Variants in PAMR1 observed in about 807,000 individuals in gnomAD.
PAMR1 encodes the protein peptidase domain containing associated with muscle regeneration 1, also known as inactive serine protease PAMR1.
Under a neutral mutation model 81.8 loss-of-function variants are expected in PAMR1, and 88 were observed. That is an observed-to-expected ratio of 1.08 (90% CI 0.91 to 1.28). The LOEUF (loss-of-function observed/expected upper bound fraction) is 1.28. Among genes scored for constraint, PAMR1 ranks in the 50% most tolerant of loss-of-function variants. The pLI is 0.00. For synonymous variants in PAMR1, 336 were observed against 345.3 expected (o/e 0.97, Z 0.30); for missense variants, 935 against 919.7 (o/e 1.02, Z -0.21).
Position 35,470,643 on chromosome 11 carries a change from T to C in PAMR1, c.670A>G (p.Lys224Glu). The change falls in exon 5 of 11, where the codon AAG (lysine) becomes GAG (glutamate). Residue 224 changes from lysine (K) to glutamate (E), a missense_variant. By Grantham distance (56) the Lys-to-Glu change is moderately conservative (BLOSUM62 1). Transcript: ENST00000619888. ...LHVLFHSDGS[K>E]NFDGFHAIYE... is the part of the protein sequence containing the mutation. ...ATGGCATGGAAACCGTCAAAATTCT[T>C]GGAGCCATCGGAGTGGAAGAGGACG... The C allele has an allele frequency of 6.2e-7, 1 of 1,614,196 alleles. No homozygotes were observed. Among genetic ancestry groups the C allele is most frequent in the South Asian group, 1.1e-5 (1 of 91,082 alleles).
chr11:35,482,311 G>C (rs1850411681), intron 3 of PAMR1, among the ~76,000 whole-genome samples: 1 of 152,144 alleles, frequency 6.6e-6, no homozygotes, highest in Admixed American at 6.5e-5. Flanking sequence ...CTCATTGCTT[G>C]TTTTTGTCAG....
chr11:35,471,932 A>T (rs992474706), intron 4 of PAMR1, among the ~76,000 whole-genome samples: 1 of 152,256 alleles, frequency 6.6e-6, no homozygotes, highest in Non-Finnish European at 1.5e-5. Context: ...GGGAGTAGGG[A>T]TATTTCTGCC....
At chr11:35,480,548 A>G (rs778864996) in intron 3 of PAMR1, among the ~76,000 whole-genome samples, 5 of 152,046 alleles carry the variant, frequency 3.3e-5, no homozygotes, top group African/African-American at 7.2e-5. Flanking sequence ...ATCCCCTCCA[A>G]TGAATTTTTG....
Position 35,494,086 on chromosome 11 carries a change from C to T in PAMR1, c.250+10G>A, listed in dbSNP as rs1486896429. 6.2e-7 allele frequency: 1 copy of T among 1,611,932 alleles called. No individual in the cohort carries two copies. The highest frequency in any genetic ancestry group is 1.3e-5 in the African/African-American group (1 of 74,912). ...TGAAGGCAACCTGAAGTCTCCCATT[C>T]CACACTCACCTGGGTGGATCAGGCA... On this transcript the variant is annotated intron_variant, in intron 2 of 10. Transcript: ENST00000619888.
intron 1 of PAMR1, among the ~76,000 whole-genome samples, chr11:35,510,808 A>C (rs561680807): frequency 4.6e-5 from 7 of 152,324 alleles, no homozygotes; most frequent in Admixed American, 2.0e-4. Context: ...CTATGTGTGC[A>C]AGTGCTCCCC....
At chr11:35,447,545 G>C (rs1025554404) in intron 6 of PAMR1, among the ~76,000 whole-genome samples, 10 of 152,232 alleles carry the variant, frequency 6.6e-5, no homozygotes, top group Admixed American at 6.5e-4. Context: ...GTCTTTGCAT[G>C]TGAGATGGGT....
intron 3 of PAMR1, among the ~76,000 whole-genome samples, chr11:35,490,748 G>C (rs1850607908): frequency 6.6e-6 from 1 of 152,196 alleles, no homozygotes; most frequent in African/African-American, 2.4e-5. Flanking sequence ...TTTTACTATT[G>C]TCAGAGCACT....
chr11:35,439,988 T>C (rs952436256), intron 7 of PAMR1, among the ~76,000 whole-genome samples: 1 of 152,224 alleles, frequency 6.6e-6, no homozygotes, highest in Non-Finnish European at 1.5e-5. Context: ...CATCTGTTCA[T>C]GTGAATGTAA....
intron 1 of PAMR1, among the ~76,000 whole-genome samples, chr11:35,516,827 G>C (rs879214457): frequency 6.6e-6 from 1 of 152,258 alleles, no homozygotes; most frequent in African/African-American, 2.4e-5. Context: ...TTACATTATA[G>C]TCAAATGTTT....
At chr11:35,445,383 T>C (rs535023560) in intron 6 of PAMR1, among the ~76,000 whole-genome samples, 4 of 138,898 alleles carry the variant, frequency 2.9e-5, no homozygotes, top group Admixed American at 7.5e-5. Flanking sequence ...CTGTGTTGAA[T>C]AGGAGTGATG....
At chr11:35,495,045 C>G (rs1007435812) in intron 1 of PAMR1, among the ~76,000 whole-genome samples, 24 of 152,210 alleles carry the variant, frequency 1.6e-4, no homozygotes, top group African/African-American at 5.8e-4. Flanking sequence ...AACTGCATGA[C>G]TACATACTGC....
At chr11:35,511,376 T>C (rs1477075735) in intron 1 of PAMR1, among the ~76,000 whole-genome samples, 1 of 152,258 alleles carries the variant, frequency 6.6e-6, no homozygotes, top group Non-Finnish European at 1.5e-5. Flanking sequence ...CCATGATGGC[T>C]GTTAAGGTCA....
At position 35,454,141 on chromosome 11, in the gene PAMR1, C is replaced by T. The variant is rs564444811; in HGVS notation, c.821-12448G>A. Among the ~76,000 whole-genome samples, 3 of 152,254 alleles carry T rather than the reference C, an allele frequency of 2.0e-5. No homozygotes were observed. In the East Asian group the frequency reaches 5.8e-4, roughly 29 times the overall value. On this transcript the variant is annotated intron_variant, in intron 6 of 10. Transcript: ENST00000619888. ...GGCTTTGGAATGGCTCTACAATGAA[C>T]ACTTAAGTCTCCCAGATTCTTTTGC...
Position 35,513,718 on chromosome 11 carries a change from T to C in PAMR1, c.73+11795A>G, listed in dbSNP as rs112841856. Among the ~76,000 whole-genome samples, 514 of 152,286 alleles carry C rather than the reference T, an allele frequency of 3.4e-3. 4 individuals carry two copies. The highest frequency in any genetic ancestry group is 0.012 in the African/African-American group (489 of 41,562). On this transcript the variant is annotated intron_variant, in intron 1 of 10. Transcript: ENST00000619888. ...TGTGCATCAGAAGCCCATGTTCTCA[T>C]TTACAACACACTCCCCAGACCACCT... is the stretch of plus-strand genomic sequence containing the variant.
chr11:35,486,554 C>T (rs1345733719), intron 3 of PAMR1, among the ~76,000 whole-genome samples: 2 of 152,184 alleles, frequency 1.3e-5, no homozygotes, highest in Non-Finnish European at 2.9e-5. Context: ...AGACTGGTTG[C>T]TCTGAGCCAG....
At chr11:35,487,909 G>C (rs1850540293) in intron 3 of PAMR1, among the ~76,000 whole-genome samples, 1 of 152,192 alleles carries the variant, frequency 6.6e-6, no homozygotes, top group Non-Finnish European at 1.5e-5. Flanking sequence ...GATGAAACAA[G>C]ACATGGCACA....
intron 6 of PAMR1, chr11:35,453,242 A>G (rs1856456817): frequency 6.6e-6 from 1 of 152,182 alleles, no homozygotes; most frequent in African/African-American, 2.4e-5. Flanking sequence ...TCCCAAATAT[A>G]TCTTAAAGAA....
Position 35,492,087 on chromosome 11 carries a change from A to G in PAMR1, c.337T>C (p.Cys113Arg). 1 of 1,614,150 alleles carries G rather than the reference A, an allele frequency of 6.2e-7. No homozygotes were observed. Among genetic ancestry groups the G allele is most frequent in the Non-Finnish European group, 8.5e-7 (1 of 1,179,990 alleles). Reference sequence around the variant, plus strand: ...TACCAGCCTGCTCGGCACTCTGCACAGTAGAACCCCTTCACATAGAAGTCA... The same window carrying G: ...TACCAGCCTGCTCGGCACTCTGCACGGTAGAACCCCTTCACATAGAAGTCA... ...LDDFYVKGFYCAECRAGWYGG... is the reference protein window; with the variant it reads ...LDDFYVKGFYRAECRAGWYGG... Residue 113 changes from cysteine (C) to arginine (R), a missense_variant, in exon 3 of 11, where the codon TGT becomes CGT. Cys to Arg is a radical substitution (Grantham distance 180). Transcript: ENST00000619888.
rs556758371 is a variant in PAMR1, at chr11:35,475,840, T to A, written c.380-1096A>T. Among the ~76,000 whole-genome samples, 19 of 152,266 alleles carry A rather than the reference T, an allele frequency of 1.2e-4. No homozygotes were observed. The South Asian group carries it at 3.9e-3, about 32-fold the overall frequency. ...TTATAGCAAGAGACAGTAGGCCCCA[T>A]GAAAATGAAAATACTTACTATCCGG... On this transcript the variant is annotated intron_variant, in intron 3 of 10. Coordinates refer to ENST00000619888, the MANE Select transcript of PAMR1 (RefSeq NM_001001991.3).
Sources: gnomAD v4.1 joint callset for allele counts (sites outside exome capture counted in the v4.1 genomes callset) on GRCh38, gnomAD v4.1.1 for gene constraint, MANE v1.5 for transcripts, NCBI Gene and HGNC (gene_info 2026-07-23, HGNC 2026-07-21) for gene names.